ACVR1: variants seen among roughly 807,000 people sequenced by gnomAD.
ACVR1 encodes activin A receptor type 1, also known as activin receptor type-1.
A neutral mutation model predicts 57.1 loss-of-function variants in ACVR1; 38 were observed. The ratio of observed to expected loss-of-function variants is 0.67; its 90% CI spans 0.51 to 0.87. The LOEUF (loss-of-function observed/expected upper bound fraction) is 0.87, where lower values mean the gene tolerates loss of function less well. ACVR1 is among the 40% of genes least tolerant of loss of function. The probability of loss-of-function intolerance (pLI) is 0.00; values close to 1 mark genes in which losing one functional copy is unlikely to be tolerated. For synonymous variants in ACVR1, 212 were observed against 228.1 expected (o/e 0.93, Z 0.63); for missense variants, 463 against 638.2 (o/e 0.73, Z 2.96).
At chr2:157,861,853 A>T (rs33999766) in intron 1 of ACVR1, among the ~76,000 whole-genome samples, 4,113 of 152,280 alleles carry the variant, frequency 0.027, 77 homozygotes, top group South Asian at 0.072. Context: ...ACTTCAACTG[A>T]TGTGAAATTA....
chr2:157,838,905 GT>G (rs1688881401), intron 1 of ACVR1, among the ~76,000 whole-genome samples: 1 of 152,134 alleles, frequency 6.6e-6, no homozygotes, highest in South Asian at 2.1e-4. Flanking sequence ...ACATGCAGGT[GT>G]CAAGCAATCC....
chr2:157,812,642 A>G (rs572167010), intron 2 of ACVR1, among the ~76,000 whole-genome samples: 2 of 152,242 alleles, frequency 1.3e-5, no homozygotes, highest in Non-Finnish European at 2.9e-5. Flanking sequence ...CTAAGCAAGT[A>G]ACAAGCACTG....
chr2:157,785,187 C>G (rs1345801552), intron 3 of ACVR1, among the ~76,000 whole-genome samples: 2 of 152,188 alleles, frequency 1.3e-5, no homozygotes, highest in Non-Finnish European at 2.9e-5. Flanking sequence ...GAATTTTTTA[C>G]AAGTTCACCT....
rs1684569669 is a variant in ACVR1 at position 157,737,317 on chromosome 2, T to A, written c.*214A>T. On this transcript the variant is annotated 3_prime_UTR_variant, in exon 11 of 11. Transcript: ENST00000434821. ...ACATTAGTCTCTGCAGTGTGAACAG[T>A]TCGTGAAATGCCCAGTTCACAGTCA... The A allele has an allele frequency of 3.2e-6, 2 of 634,306 alleles. No individual in the cohort carries two copies. The highest frequency in any genetic ancestry group is 5.7e-6 in the Non-Finnish European group (2 of 352,532). The allele number at this position is 634,306 out of a possible 1,614,324, so 39.3% of individuals were successfully genotyped here. A position where few individuals can be genotyped will look rare whatever the true frequency, so the allele number is the denominator to read the frequency against.
At chr2:157,837,573 G>A (rs1050253708) in intron 1 of ACVR1, among the ~76,000 whole-genome samples, 3 of 152,216 alleles carry the variant, frequency 2.0e-5, no homozygotes, top group African/African-American at 2.4e-5. Context: ...TCTGTGATAA[G>A]TGACTGTTCT....
intron 1 of ACVR1, among the ~76,000 whole-genome samples, chr2:157,856,873 T>C (rs542195651): frequency 6.6e-6 from 1 of 152,314 alleles, no homozygotes; most frequent in African/African-American, 2.4e-5. Flanking sequence ...GGTTACATGA[T>C]CCATGCTACC....
intron 3 of ACVR1, among the ~76,000 whole-genome samples, chr2:157,783,448 G>A (rs924479733): frequency 6.6e-6 from 1 of 152,104 alleles, no homozygotes; most frequent in Non-Finnish European, 1.5e-5. Flanking sequence ...GTGTACCTAG[G>A]CTTTAATCCT....
intron 2 of ACVR1, among the ~76,000 whole-genome samples, chr2:157,809,168 C>T (rs1687661951): frequency 6.6e-6 from 1 of 152,098 alleles, no homozygotes; most frequent in South Asian, 2.1e-4. Flanking sequence ...TAAAGTTTCT[C>T]CAAGTCACAC....
chr2:157,755,563 C>CATACCATACCGTACCATACA (rs1685394767), intron 9 of ACVR1, among the ~76,000 whole-genome samples: 1 of 148,236 alleles, frequency 6.7e-6, no homozygotes, highest in Non-Finnish European at 1.5e-5. Context: ...CATACCATAC[C>CATACCATACCGTACCATACA]ATACCGTACC....
chr2:157,823,204 C>A (rs1051635748), intron 1 of ACVR1, among the ~76,000 whole-genome samples: 1 of 152,180 alleles, frequency 6.6e-6, no homozygotes, highest in African/African-American at 2.4e-5. Context: ...TTTTCCTGTT[C>A]TTGCTTTCAA....
At chr2:157,788,409 T>C (rs1216898208) in intron 3 of ACVR1, among the ~76,000 whole-genome samples, 2 of 152,288 alleles carry the variant, frequency 1.3e-5, no homozygotes, top group African/African-American at 4.8e-5. Flanking sequence ...GAATCATCCA[T>C]TTGTCCAGCG....
chr2:157,740,760 G>C (rs1425933166), intron 9 of ACVR1, among the ~76,000 whole-genome samples: 1 of 152,168 alleles, frequency 6.6e-6, no homozygotes, highest in Non-Finnish European at 1.5e-5. Flanking sequence ...ACTATACAAA[G>C]CTGAAGTTTG....
rs534696417 is a variant in ACVR1, at chr2:157,835,789, C to CAA, written c.-182-17232_-182-17231dup. Among the ~76,000 whole-genome samples the CAA allele has an allele frequency of 2.2e-3, 341 of 152,320 alleles. 2 individuals are homozygous for CAA. Among genetic ancestry groups the CAA allele is most frequent in the African/African-American group, 7.9e-3 (329 of 41,570 alleles). ...TAACCAGTAGGGTTTACTGACAGAA[C>CAA]AAAGGGAAACCTTCACATTGATAAC... is the stretch of plus-strand genomic sequence containing the variant. On this transcript the variant is annotated intron_variant, in intron 1 of 10. Coordinates refer to ENST00000434821, the MANE Select transcript of ACVR1 (RefSeq NM_001111067.4).
At chr2:157,828,320 G>C (rs1012512784) in intron 1 of ACVR1, among the ~76,000 whole-genome samples, 2 of 152,010 alleles carry the variant, frequency 1.3e-5, no homozygotes, top group Non-Finnish European at 2.9e-5. Context: ...CATGATGGCG[G>C]ATGCCTGTAA....
At chr2:157,844,449 A>C (rs1689068344) in intron 1 of ACVR1, among the ~76,000 whole-genome samples, 1 of 152,148 alleles carries the variant, frequency 6.6e-6, no homozygotes, top group Non-Finnish European at 1.5e-5. Flanking sequence ...CCAGGGAATC[A>C]AAAGTGGTTA....
chr2:157,828,277 G>A lies in ACVR1; in HGVS notation c.-182-9718C>T, dbSNP rs1244203502. Among the ~76,000 whole-genome samples the A allele has an allele frequency of 3.3e-5, 5 of 151,806 alleles. No homozygotes were observed. In the South Asian group the frequency reaches 8.3e-4, roughly 25 times the overall value. On this transcript the variant is annotated intron_variant, in intron 1 of 10. Coordinates refer to ENST00000434821, the MANE Select transcript of ACVR1 (RefSeq NM_001111067.4). The stretch of plus-strand genomic sequence containing the variant: ...AGCCTGGCCAACATGGTGAAACCCC[G>A]TCTCTACAAAAATACAAAAAAAATT...
chr2:157,875,079 G>A (rs1690239126), intron 1 of ACVR1: 1 of 152,212 alleles, frequency 6.6e-6, no homozygotes, highest in Non-Finnish European at 1.5e-5. Flanking sequence ...GGAAGTTACT[G>A]AATCCAGCGG....
At chr2:157,872,552 C>A (rs533203301) in intron 1 of ACVR1, among the ~76,000 whole-genome samples, 1 of 152,232 alleles carries the variant, frequency 6.6e-6, no homozygotes, top group Non-Finnish European at 1.5e-5. Context: ...AGAGTAGAAG[C>A]AGGAGAAAAT....
Position 157,799,498 on chromosome 2 carries a change from C to T in ACVR1, c.-5G>A, listed in dbSNP as rs374551588. On this transcript the variant is annotated splice_region_variant and 5_prime_UTR_variant, in exon 3 of 11. Transcript: ENST00000434821. ...AATCATCACTCCATCTACCATTGTACAACTGTAAAGGGAAAAGAAGAGATG... is the reference window on the plus strand; with the variant it reads ...AATCATCACTCCATCTACCATTGTATAACTGTAAAGGGAAAAGAAGAGATG... 1.9e-6 allele frequency: 3 copies of T among 1,608,808 alleles called. No homozygotes were observed. The highest frequency in any genetic ancestry group is 4.5e-5 in the East Asian group (2 of 44,720).
Sources: gnomAD v4.1 joint callset for allele counts (sites outside exome capture counted in the v4.1 genomes callset) on GRCh38, gnomAD v4.1.1 for gene constraint, MANE v1.5 for transcripts, NCBI Gene and HGNC (gene_info 2026-07-23, HGNC 2026-07-21) for gene names.